The following DIXDC1 variants were observed in gnomAD, a reference collection of about 807,000 sequenced individuals.
DIXDC1 encodes the protein dixin.
A neutral mutation model predicts 103.1 loss-of-function variants in DIXDC1; 64 were observed. The observed-to-expected ratio is 0.62, with a 90% CI of 0.51 to 0.76. The LOEUF (loss-of-function observed/expected upper bound fraction) is 0.76, where lower values mean the gene tolerates loss of function less well. DIXDC1 is among the 30% of genes least tolerant of loss of function. The probability of loss-of-function intolerance (pLI) is 0.00; values close to 1 mark genes in which losing one functional copy is unlikely to be tolerated. For synonymous variants in DIXDC1, 266 were observed against 298.5 expected (o/e 0.89, Z 1.12); for missense variants, 759 against 834.2 (o/e 0.91, Z 1.11).
intron 17 of DIXDC1, among the ~76,000 whole-genome samples, chr11:112,010,975 T>C (rs1217345067): frequency 6.6e-6 from 1 of 152,036 alleles, no homozygotes. Context: ...ACTAAAGAGC[T>C]TCTGCACAGC....
intron 1 of DIXDC1, among the ~76,000 whole-genome samples, chr11:111,946,443 C>G (rs1039628420): frequency 2.0e-5 from 3 of 152,200 alleles, no homozygotes; most frequent in Non-Finnish European, 2.9e-5. Flanking sequence ...AGGCTGGTCT[C>G]GAACTCCTGA....
rs1860020205 is a variant in DIXDC1, at chr11:111,974,084, C to T, written c.378C>T (p.Phe126=). The T allele has an allele frequency of 1.2e-6, 2 of 1,613,886 alleles. No homozygotes were observed. The highest frequency in any genetic ancestry group is 1.7e-5 in the Admixed American group (1 of 60,004). ...TGGTCCTTGCCTTGGCAGCTCATTTCAAACCTGGCTCCAGCAGGACGGTGA... is the reference window on the plus strand; with the variant it reads ...TGGTCCTTGCCTTGGCAGCTCATTTTAAACCTGGCTCCAGCAGGACGGTGA... ...MRLVLALAAH[F]KPGSSRTVNQ... is the part of the protein sequence containing the mutation. Residue 126 remains phenylalanine (F), a synonymous_variant, in exon 4 of 20, where the codon TTC becomes TTT. Coordinates refer to ENST00000440460, the MANE Select transcript of DIXDC1 (RefSeq NM_001037954.4).
At chr11:111,987,342 T>G (rs992842332) in intron 9 of DIXDC1, among the ~76,000 whole-genome samples, 1 of 152,160 alleles carries the variant, frequency 6.6e-6, no homozygotes, top group African/African-American at 2.4e-5. Context: ...GTATTATGTC[T>G]TTACTTGAAA....
chr11:111,931,072 T>G (rs1965999709), intron 2 of DIXDC1, among the ~76,000 whole-genome samples: 1 of 151,914 alleles, frequency 6.6e-6, no homozygotes, highest in African/African-American at 2.4e-5. Context: ...CAGGCTGGTC[T>G]CGAACTCCTG....
At chr11:111,937,922 A>G (rs1473213563) in intron 1 of DIXDC1, among the ~76,000 whole-genome samples, 1 of 152,246 alleles carries the variant, frequency 6.6e-6, no homozygotes, top group African/African-American at 2.4e-5. Flanking sequence ...AAAAGTGCTC[A>G]TCTATATCAG....
chr11:111,994,216 G>A (rs1056264750), intron 14 of DIXDC1, among the ~76,000 whole-genome samples: 18 of 151,892 alleles, frequency 1.2e-4, no homozygotes, highest in African/African-American at 3.9e-4. Context: ...GTGAAACCTC[G>A]TCTCTACTAA....
chr11:112,000,561 G>C (rs1285562898), intron 17 of DIXDC1, among the ~76,000 whole-genome samples: 4 of 152,046 alleles, frequency 2.6e-5, no homozygotes, highest in African/African-American at 9.7e-5. Context: ...GCTGGGCGTG[G>C]TGGTACGCAC....
In DIXDC1 at chr11:111,974,152, C is replaced by A. The variant is rs1261560123; in HGVS notation, c.446C>A (p.Pro149Gln). 28 of 1,614,006 alleles carry A rather than the reference C, an allele frequency of 1.7e-5. No homozygotes were observed. The highest frequency in any genetic ancestry group is 2.3e-5 in the Non-Finnish European group (27 of 1,179,882). The stretch of plus-strand genomic sequence containing the variant: ...AGAGCCCCTCTGCAAAGTCACCGAC[C>A]ACACTGTGCCACTGCTGTTGCCCAG... Reference protein sequence around the residue: ...DSRAPLQSHRPHCATAVAQGA... With the variant: ...DSRAPLQSHRQHCATAVAQGA... Residue 149 changes from proline (P) to glutamine (Q), a missense_variant, in exon 4 of 20, where the codon CCA (proline) becomes CAA (glutamine). Pro to Gln is a moderately conservative substitution (Grantham distance 76, BLOSUM62 -1). This residue lies in a region of DIXDC1 where 657 missense variants were observed against 727.5 expected (regional missense o/e 0.90). Transcript: ENST00000440460.
chr11:112,016,702 TCA>T lies in DIXDC1; in HGVS notation c.1771_1772del (p.Gln591GlufsTer11), dbSNP rs782326248. The T allele has an allele frequency of 4.2e-5, 68 of 1,602,142 alleles. No homozygotes were observed. On this transcript the variant is annotated frameshift_variant, in exon 18 of 20. Coordinates refer to ENST00000440460, the MANE Select transcript of DIXDC1 (RefSeq NM_001037954.4). LOFTEE classifies it high-confidence loss of function. ...SWPPNSKLPH[S>X]QSSPTVSSTC... The stretch of plus-strand genomic sequence containing the variant: ...CTTTCTGATTGTAGAGTTGCCTCAC[TCA>T]CAGAGCTCTCCAACTGTCAGCAGCA...
At chr11:111,969,182 C>T (rs1403526901) in intron 3 of DIXDC1, among the ~76,000 whole-genome samples, 1 of 151,744 alleles carries the variant, frequency 6.6e-6, no homozygotes, top group Non-Finnish European at 1.5e-5. Context: ...GTAATCCCAG[C>T]ACTGGGAGGC....
Position 112,001,034 on chromosome 11 carries a change from A to G in DIXDC1, c.1756+4888A>G, listed in dbSNP as rs782687226. Among the ~76,000 whole-genome samples, 10 of 152,234 alleles carry G rather than the reference A, an allele frequency of 6.6e-5. No homozygotes were observed. In the South Asian group the frequency reaches 2.1e-3, roughly 32 times the overall value. On this transcript the variant is annotated intron_variant, in intron 17 of 19. Coordinates refer to ENST00000440460, the MANE Select transcript of DIXDC1 (RefSeq NM_001037954.4). ...GCCATATTCACAATATTCGAAAGGTAGAAACACCCCAGATGTCCATCAACT... is the reference window on the plus strand; with the variant it reads ...GCCATATTCACAATATTCGAAAGGTGGAAACACCCCAGATGTCCATCAACT...
intron 17 of DIXDC1, 32 bp from the exon 18 acceptor site, chr11:112,016,659 A>G (rs1486888185): frequency 6.6e-7 from 1 of 1,526,092 alleles, no homozygotes; most frequent in East Asian, 2.4e-5. Context: ...GAGCAAATGA[A>G]TGTTCTAACC....
At position 111,976,341 on chromosome 11, in the gene DIXDC1, T is replaced by G. The variant is rs76279410; in HGVS notation, c.656+1358T>G. ...AGGACTGAGGGGAGGGCTGTGAGAC[T>G]GTGAATGTGTGAATGAGGGGCCCAC... On this transcript the variant is annotated intron_variant, in intron 5 of 19. Transcript: ENST00000440460. This position sits in a 1 kb window ranked among gnomAD's most constrained non-coding sequence, Gnocchi z 4.3. Among the ~76,000 whole-genome samples the G allele has an allele frequency of 7.8e-3, 1,181 of 152,250 alleles. 8 individuals are homozygous for G. Among genetic ancestry groups the G allele is most frequent in the Non-Finnish European group, 0.013 (912 of 68,018 alleles).
intron 2 of DIXDC1, among the ~76,000 whole-genome samples, chr11:111,967,339 A>C (rs1285835996): frequency 1.4e-4 from 22 of 152,214 alleles, no homozygotes; most frequent in Admixed American, 1.4e-3. Flanking sequence ...ACACTGCATT[A>C]TCATTTGCCT....
intron 2 of DIXDC1, among the ~76,000 whole-genome samples, chr11:111,965,738 C>CT (rs1292727954): frequency 2.0e-5 from 3 of 152,070 alleles, no homozygotes; most frequent in African/African-American, 7.2e-5. Flanking sequence ...ATAAATAGTA[C>CT]TTAGTATGAG....
At chr11:111,972,341 G>A (rs587661635) in intron 3 of DIXDC1, among the ~76,000 whole-genome samples, 1 of 152,138 alleles carries the variant, frequency 6.6e-6, no homozygotes, top group Non-Finnish European at 1.5e-5. Flanking sequence ...TGTGGAGTGG[G>A]CTTGGGGATC....
At chr11:112,004,625 A>G (rs587707410) in intron 17 of DIXDC1, among the ~76,000 whole-genome samples, 5 of 152,332 alleles carry the variant, frequency 3.3e-5, no homozygotes, top group South Asian at 4.1e-4. Flanking sequence ...GCACTGTTCA[A>G]TTAGGAGCAG....
Position 111,958,649 on chromosome 11 carries a change from G to T in DIXDC1, c.61-5900G>T, listed in dbSNP as rs1859469376. On this transcript the variant is annotated intron_variant, in intron 1 of 19. Transcript: ENST00000440460. The surrounding 1 kb of genome is among the most constrained non-coding windows in gnomAD (Gnocchi z 4.2). ...GCAGACAGGCTCCTGTGTGGAAAGG[G>T]GCGGGTTCCCGGTGAAGCCCCACCT... 6.6e-6 allele frequency among the ~76,000 whole-genome samples: 1 copy of T among 152,206 alleles called. No homozygotes were observed. Among genetic ancestry groups the T allele is most frequent in the Admixed American group, 6.5e-5 (1 of 15,294 alleles).
chr11:111,956,307 T>C (rs1859364340), intron 1 of DIXDC1, among the ~76,000 whole-genome samples: 1 of 152,158 alleles, frequency 6.6e-6, no homozygotes, highest in African/African-American at 2.4e-5. Context: ...CACAACAATG[T>C]GAATATACTT....
Sources: allele counts gnomAD v4.1 joint callset (sites outside exome capture counted in the v4.1 genomes callset), GRCh38; gene constraint gnomAD v4.1.1; regional missense constraint gnomAD v4.1.1; non-coding constraint Gnocchi (gnomAD v3.1); transcripts MANE v1.5; gene names NCBI Gene and HGNC (gene_info 2026-07-23, HGNC 2026-07-21).